Variants in MAP2K6 observed in about 807,000 individuals in gnomAD.
MAP2K6 encodes the protein dual specificity mitogen-activated protein kinase kinase 6.
MAP2K6 carries 16 observed loss-of-function variants against 53.7 expected under a neutral mutation model. That is an observed-to-expected ratio of 0.30 (90% CI 0.20 to 0.45). MAP2K6 has a LOEUF of 0.45. Among genes scored for constraint, MAP2K6 ranks in the 20% least tolerant of loss-of-function variants. MAP2K6 has a pLI of 1.00. For synonymous variants in MAP2K6, 132 were observed against 143.1 expected, an observed-to-expected ratio of 0.92 and a Z score of 0.55; for missense variants, 204 against 411.9, an observed-to-expected ratio of 0.50 and a Z score of 4.37.
intron 10 of MAP2K6, among the ~76,000 whole-genome samples, chr17:69,534,345 T>TA (rs1320900065): frequency 6.6e-6 from 1 of 152,164 alleles, no homozygotes. Flanking sequence ...AATGCGCTCT[T>TA]ATTTTTATCC....
chr17:69,495,285 C>T (rs1307347274), intron 1 of MAP2K6, among the ~76,000 whole-genome samples: 2 of 151,774 alleles, frequency 1.3e-5, no homozygotes, highest in East Asian at 3.9e-4. Context: ...GTCGCCCAAG[C>T]TGGAGTGCAG....
At position 69,460,180 on chromosome 17, in the gene MAP2K6, G is replaced by A. The variant is rs554822542; in HGVS notation, c.16+45180G>A. Among the ~76,000 whole-genome samples, 17 of 152,314 alleles carry A rather than the reference G, an allele frequency of 1.1e-4. No individual in the cohort carries two copies. The South Asian group carries it at 3.5e-3, about 32-fold the overall frequency. ...GATGCTTCCAGCTTAGCATGGGGCAGTCCTGTCATCAAATAAACATAACAG... is the reference window on the plus strand; with the variant it reads ...GATGCTTCCAGCTTAGCATGGGGCAATCCTGTCATCAAATAAACATAACAG... On this transcript the variant is annotated intron_variant, in intron 1 of 11. Coordinates refer to ENST00000590474, the MANE Select transcript of MAP2K6 (RefSeq NM_002758.4).
intron 4 of MAP2K6, among the ~76,000 whole-genome samples, chr17:69,518,528 T>A (rs1910292391): frequency 6.6e-6 from 1 of 152,194 alleles, no homozygotes; most frequent in African/African-American, 2.4e-5. Context: ...TTTAAAATCA[T>A]TTCATATTAT....
intron 10 of MAP2K6, among the ~76,000 whole-genome samples, chr17:69,532,269 A>T (rs1271697428): frequency 6.6e-6 from 1 of 152,184 alleles, no homozygotes; most frequent in South Asian, 2.1e-4. Context: ...GAAACGCGCA[A>T]TGTGTTTTTA....
At chr17:69,520,710 G>GA (rs1910420832) in intron 6 of MAP2K6, 1 of 377,526 alleles carries the variant, frequency 2.6e-6, no homozygotes, top group Non-Finnish European at 4.7e-6. Context: ...GTTCTCTTGA[G>GA]ACTAGTAGGC....
chr17:69,517,081 G>A (rs1910188842), intron 3 of MAP2K6, among the ~76,000 whole-genome samples, 178 bp downstream of exon 3: 2 of 151,850 alleles, frequency 1.3e-5, no homozygotes, highest in South Asian at 4.2e-4. Context: ...ATTGAAATCA[G>A]GCTATTGTGG....
chr17:69,481,519 AAC>A, intron 1 of MAP2K6, among the ~76,000 whole-genome samples: 1 of 152,310 alleles, frequency 6.6e-6, no homozygotes, highest in East Asian at 1.9e-4. Context: ...GGGCTGTCAT[AAC>A]AGAGTCCCTA....
chr17:69,441,853 A>C (rs2145148887), intron 1 of MAP2K6, among the ~76,000 whole-genome samples: 1 of 152,190 alleles, frequency 6.6e-6, no homozygotes, highest in Non-Finnish European at 1.5e-5. Flanking sequence ...TGGCACCTGG[A>C]GAGAAGGGAC....
In MAP2K6 at chr17:69,463,698, A is replaced by G. The variant is rs145006044; in HGVS notation, c.17-42082A>G. ...TATACACACACACACACATATATAC[A>G]CACAAATACATATATGTATATTAGT... On this transcript the variant is annotated intron_variant, in intron 1 of 11. Coordinates refer to ENST00000590474, the MANE Select transcript of MAP2K6 (RefSeq NM_002758.4). 9.2e-5 allele frequency among the ~76,000 whole-genome samples: 14 copies of G among 151,660 alleles called. No individual in the cohort carries two copies. The East Asian group carries it at 2.7e-3, about 29-fold the overall frequency.
In MAP2K6 at chr17:69,548,112, G is replaced by C. The variant is rs1004195373; in HGVS notation, c.*6359G>C. On this transcript the variant is annotated 3_prime_UTR_variant, in exon 12 of 12. Transcript: ENST00000590474. ...TTCTCAGGTGTTCTTAAAGCTCCCT[G>C]TTCTCACTGCGACAGAAGACTCAGG... 6.6e-6 allele frequency: 1 copy of C among 152,208 alleles called. No individual in the cohort carries two copies. Among genetic ancestry groups the C allele is most frequent in the Non-Finnish European group, 1.5e-5 (1 of 68,040 alleles). The allele number at this position is 152,208 out of a possible 1,614,324, so 9.4% of individuals were successfully genotyped here. A position where few individuals can be genotyped will look rare whatever the true frequency, so the allele number is the denominator to read the frequency against.
intron 1 of MAP2K6, among the ~76,000 whole-genome samples, chr17:69,417,554 T>C (rs1905944883): frequency 6.6e-6 from 1 of 152,138 alleles, no homozygotes. Flanking sequence ...TAACTTTAGG[T>C]GGTATGCTTT....
chr17:69,520,465 A>C, intron 6 of MAP2K6, 79 bp downstream of exon 6: 3 of 783,012 alleles, frequency 3.8e-6, no homozygotes, highest in Non-Finnish European at 6.4e-6. Flanking sequence ...CAGTATGAAG[A>C]AATACTACCT....
At chr17:69,485,455 C>G in intron 1 of MAP2K6, 1 of 983,150 alleles carries the variant, frequency 1.0e-6, no homozygotes, top group Non-Finnish European at 1.2e-6. Context: ...TGACTACTTC[C>G]TCAGAAGCTT....
intron 1 of MAP2K6, among the ~76,000 whole-genome samples, chr17:69,428,273 G>A (rs967630800): frequency 2.0e-5 from 3 of 152,200 alleles, no homozygotes; most frequent in African/African-American, 7.2e-5. Context: ...GGCAGGGCTG[G>A]CTCCTTCTGA....
intron 10 of MAP2K6, among the ~76,000 whole-genome samples, chr17:69,529,574 G>T (rs568953020): frequency 5.9e-4 from 82 of 139,728 alleles, no homozygotes; most frequent in Non-Finnish European, 1.0e-3. Flanking sequence ...GCAGTGGCAC[G>T]ATCTCAGCTC....
At chr17:69,483,733 CTGGA>C (rs1219960261) in intron 1 of MAP2K6, among the ~76,000 whole-genome samples, 1 of 152,020 alleles carries the variant, frequency 6.6e-6, no homozygotes, top group African/African-American at 2.4e-5. Flanking sequence ...CAGCGTGATG[CTGGA>C]TTAAGGATAG....
chr17:69,438,646 G>A (rs979835187), intron 1 of MAP2K6, among the ~76,000 whole-genome samples: 1 of 152,062 alleles, frequency 6.6e-6, no homozygotes, highest in South Asian at 2.1e-4. Flanking sequence ...TAATGCAGTG[G>A]CACCATCTTG....
intron 2 of MAP2K6, among the ~76,000 whole-genome samples, chr17:69,512,482 G>A (rs1016039749): frequency 3.1e-4 from 47 of 151,602 alleles, no homozygotes; most frequent in Non-Finnish European, 7.4e-5. Flanking sequence ...TGGGACTACA[G>A]GCACCCGCCA....
At chr17:69,429,300 A>T (rs1906379898) in intron 1 of MAP2K6, among the ~76,000 whole-genome samples, 1 of 139,046 alleles carries the variant, frequency 7.2e-6, no homozygotes, top group Non-Finnish European at 1.6e-5. Flanking sequence ...AAAAAAAAAA[A>T]TTAGCCGGGC....
Sources: allele counts gnomAD v4.1 joint callset (sites outside exome capture counted in the v4.1 genomes callset), GRCh38; gene constraint gnomAD v4.1.1; transcripts MANE v1.5; gene names NCBI Gene and HGNC (gene_info 2026-07-23, HGNC 2026-07-21).